The following MORC1 variants were observed in gnomAD, a reference collection of about 807,000 sequenced individuals.
MORC1 encodes the protein MORC family CW-type zinc finger 1.
Under a neutral mutation model 134.9 loss-of-function variants are expected in MORC1, and 59 were observed. The ratio of observed to expected loss-of-function variants is 0.44; its 90% CI spans 0.35 to 0.54. MORC1 has a LOEUF of 0.54. Among genes scored for constraint, MORC1 ranks in the 20% least tolerant of loss-of-function variants. The pLI, the probability that MORC1 is intolerant of heterozygous loss-of-function variation, is 0.00. For synonymous variants in MORC1, 395 were observed against 391.7 expected (o/e 1.01, Z -0.10); for missense variants, 947 against 1,134.5 (o/e 0.83, Z 2.37).
chr3:109,102,306 G>A (rs113033651), intron 4 of MORC1, among the ~76,000 whole-genome samples: 1 of 152,060 alleles, frequency 6.6e-6, no homozygotes, highest in African/African-American at 2.4e-5. Flanking sequence ...AATAATGTAA[G>A]GTCTTGGAAG....
chr3:109,117,201 TAC>T (rs1231812813), intron 1 of MORC1, among the ~76,000 whole-genome samples: 2 of 152,148 alleles, frequency 1.3e-5, no homozygotes, highest in Non-Finnish European at 2.9e-5. Flanking sequence ...GTTAAAATTA[TAC>T]AGTCTGTCCC....
Position 109,099,607 on chromosome 3 carries a change from A to G in MORC1, c.315-141T>C, listed in dbSNP as rs574430505. 27 of 470,596 alleles carry G rather than the reference A, an allele frequency of 5.7e-5. 1 individual carries two copies. In the South Asian group the frequency reaches 1.1e-3, roughly 19 times the overall value. The allele number at this position is 470,596 out of a possible 1,614,324, so 29.2% of individuals were successfully genotyped here. Reference sequence around the variant, plus strand: ...GCTGACCCGTCATCAAGAGGGTACAATTTTTTTTTTTTCAAAGTAAAGCAG... The same window carrying G: ...GCTGACCCGTCATCAAGAGGGTACAGTTTTTTTTTTTTCAAAGTAAAGCAG... On this transcript the variant is annotated intron_variant, in intron 5 of 27. Transcript: ENST00000232603.
chr3:109,045,900 T>C (rs1044702127), intron 14 of MORC1, among the ~76,000 whole-genome samples: 11 of 152,170 alleles, frequency 7.2e-5, no homozygotes, highest in Admixed American at 7.2e-4. Context: ...GACATGGCCA[T>C]GTAGCATCAT....
chr3:109,090,750 AAAATT>A (rs543964845), intron 8 of MORC1, among the ~76,000 whole-genome samples: 1 of 152,188 alleles, frequency 6.6e-6, no homozygotes, highest in East Asian at 1.9e-4. Flanking sequence ...TCCTACACAG[AAAATT>A]AAATTATTTT....
At chr3:109,096,654 A>G (rs1950836511) in intron 6 of MORC1, among the ~76,000 whole-genome samples, 2 of 152,182 alleles carry the variant, frequency 1.3e-5, no homozygotes, top group South Asian at 4.1e-4. Flanking sequence ...AGAAGTAACT[A>G]TAAGTATACT....
chr3:109,089,631 T>A (rs1399582707), intron 8 of MORC1, among the ~76,000 whole-genome samples: 1 of 151,462 alleles, frequency 6.6e-6, no homozygotes, highest in Non-Finnish European at 1.5e-5. Flanking sequence ...GAGAAAAAAA[T>A]GCGATTTAAT....
chr3:109,039,079 G>A (rs1201090375), intron 14 of MORC1, among the ~76,000 whole-genome samples: 1 of 152,066 alleles, frequency 6.6e-6, no homozygotes, highest in African/African-American at 2.4e-5. Flanking sequence ...ATAATGCCTG[G>A]CTAATTTTTG....
chr3:108,969,586 TA>T, intron 26 of MORC1, 82 bp downstream of exon 26: 3 of 1,377,404 alleles, frequency 2.2e-6, no homozygotes, highest in Non-Finnish European at 3.1e-6. Flanking sequence ...CTTTCAAACC[TA>T]ACATTTGGAA....
chr3:109,038,754 G>A (rs1382013496), intron 14 of MORC1, among the ~76,000 whole-genome samples: 3 of 152,146 alleles, frequency 2.0e-5, no homozygotes, highest in Admixed American at 6.5e-5. Context: ...TTGCAGATGT[G>A]TGGTGTTATT....
chr3:109,022,041 GC>G (rs1311634072), intron 17 of MORC1, among the ~76,000 whole-genome samples: 1 of 152,166 alleles, frequency 6.6e-6, no homozygotes, highest in African/African-American at 2.4e-5. Context: ...TCTTCGAAAA[GC>G]AATACATCAC....
In MORC1 at chr3:109,117,871, C is replaced by G. The variant is rs565993167; in HGVS notation, c.65+124G>C. 3.4e-4 allele frequency: 293 copies of G among 858,432 alleles called. 3 individuals are homozygous for G. Among genetic ancestry groups the G allele is most frequent in the South Asian group, 2.5e-3 (162 of 65,268 alleles). The allele number at this position is 858,432 out of a possible 1,614,324, so 53.2% of individuals were successfully genotyped here. On this transcript the variant is annotated intron_variant, in intron 1 of 27. Coordinates refer to ENST00000232603, the MANE Select transcript of MORC1 (RefSeq NM_014429.4). ...CGTTTTAAAAAAAGCCTATACAGCTCAAATAAATAAATAAATCCATAAATC... is the reference window on the plus strand; with the variant it reads ...CGTTTTAAAAAAAGCCTATACAGCTGAAATAAATAAATAAATCCATAAATC...
chr3:109,052,671 C>CAG (rs1559922001), intron 14 of MORC1, among the ~76,000 whole-genome samples: 29 of 152,216 alleles, frequency 1.9e-4, no homozygotes, highest in African/African-American at 5.8e-4. Context: ...AAAATTACAA[C>CAG]TTCAAGTGAA....
chr3:109,106,983 T>C (rs1242479460), intron 3 of MORC1, among the ~76,000 whole-genome samples: 1 of 152,144 alleles, frequency 6.6e-6, no homozygotes, highest in African/African-American at 2.4e-5. Flanking sequence ...CCAAGCTCAT[T>C]TCTTGTCTTT....
chr3:108,966,546 C>T (rs1322593720), intron 26 of MORC1, among the ~76,000 whole-genome samples: 4 of 152,098 alleles, frequency 2.6e-5, no homozygotes, highest in Non-Finnish European at 5.9e-5. Context: ...TTATTAACTT[C>T]AAGGATTCTA....
chr3:108,996,278 G>A (rs577794153), intron 21 of MORC1, among the ~76,000 whole-genome samples: 768 of 52,520 alleles, frequency 0.015, 3 homozygotes, highest in Non-Finnish European at 0.02. Context: ...GCGTGCGTGC[G>A]CGCGCGCGCA....
chr3:108,991,387 A>G (rs1224437213), intron 21 of MORC1, among the ~76,000 whole-genome samples: 2 of 152,206 alleles, frequency 1.3e-5, no homozygotes, highest in Non-Finnish European at 2.9e-5. Flanking sequence ...AGATTGCCTG[A>G]TGGGTTGAGT....
chr3:108,979,602 C>G lies in MORC1; in HGVS notation c.2390G>C (p.Ser797Thr). ...CGAAGAAGCAACTTTACAACTGCCA[C>G]TCACAGAAACTCTGGCTATGTGTCC... ...SSGHIARVSVSGSCKVASSPA... is the reference protein window; with the variant it reads ...SSGHIARVSVTGSCKVASSPA... The change falls in exon 24 of 28, where the codon AGT (serine) becomes ACT (threonine). Residue 797 changes from serine (S) to threonine (T), a missense_variant. This residue lies in a region of MORC1 where 722 missense variants were observed against 817.0 expected (regional missense o/e 0.88). Coordinates refer to ENST00000232603, the MANE Select transcript of MORC1 (RefSeq NM_014429.4). 6.2e-7 allele frequency: 1 copy of G among 1,614,168 alleles called. No homozygotes were observed. Among genetic ancestry groups the G allele is most frequent in the Non-Finnish European group, 8.5e-7 (1 of 1,179,998 alleles).
At chr3:109,040,476 GAAAGAAAGA>G (rs1559912797) in intron 14 of MORC1, among the ~76,000 whole-genome samples, 20 of 145,918 alleles carry the variant, frequency 1.4e-4, no homozygotes, top group African/African-American at 3.8e-4. Flanking sequence ...AAGAAAGAAA[GAAAGAAAGA>G]AAGGAAAGAA....
chr3:109,111,918 C>T (rs976787348), intron 2 of MORC1, among the ~76,000 whole-genome samples: 5 of 152,164 alleles, frequency 3.3e-5, no homozygotes, highest in Non-Finnish European at 5.9e-5. Context: ...TCTGGAGTTA[C>T]CACTGCCATT....
Sources: allele counts gnomAD v4.1 joint callset (sites outside exome capture counted in the v4.1 genomes callset), GRCh38; gene constraint gnomAD v4.1.1; regional missense constraint gnomAD v4.1.1; transcripts MANE v1.5; gene names NCBI Gene and HGNC (gene_info 2026-07-23, HGNC 2026-07-21).